Variants in SHLD1 observed in about 807,000 individuals in gnomAD.
The protein encoded by SHLD1 is RINN1-REV7-interacting novel NHEJ regulator 3.
Under a neutral mutation model 5.5 loss-of-function variants are expected in SHLD1, and 3 were observed. The observed-to-expected ratio is 0.54, with a 90% confidence interval of 0.25 to 1.40. The LOEUF (loss-of-function observed/expected upper bound fraction) is 1.40. Among genes scored for constraint, SHLD1 ranks in the 40% most tolerant of loss-of-function variants. The probability of loss-of-function intolerance (pLI) is 0.15; values close to 1 mark genes in which losing one functional copy is unlikely to be tolerated. For missense variants in SHLD1, 210 were observed against 244.4 expected, an observed-to-expected ratio of 0.86 and a Z score of 0.94; for synonymous variants, 92 against 94.3, an observed-to-expected ratio of 0.98 and a Z score of 0.14.
intron 1 of SHLD1, among the ~76,000 whole-genome samples, chr20:5,770,804 CCT>C (rs1985112768): frequency 6.6e-6 from 1 of 152,172 alleles, no homozygotes; most frequent in African/African-American, 2.4e-5. Flanking sequence ...TGAATGATGT[CCT>C]AGTCAAGCGG....
intron 2 of SHLD1, among the ~76,000 whole-genome samples, chr20:5,820,733 G>A (rs2087596755): frequency 6.6e-6 from 1 of 152,238 alleles, no homozygotes; most frequent in African/African-American, 2.4e-5. Context: ...CTGTCTCACA[G>A]GGAAAAGTTT....
intron 2 of SHLD1, among the ~76,000 whole-genome samples, chr20:5,804,269 A>T (rs2087341398): frequency 6.6e-6 from 1 of 151,778 alleles, no homozygotes; most frequent in African/African-American, 2.4e-5. Flanking sequence ...AGCCGTACTT[A>T]CTATATATAT....
intron 2 of SHLD1, among the ~76,000 whole-genome samples, chr20:5,824,120 C>G (rs1190639949): frequency 6.6e-6 from 1 of 152,248 alleles, no homozygotes; most frequent in African/African-American, 2.4e-5. Context: ...TTCTCCCTGC[C>G]TGGCTGTGAC....
chr20:5,800,416 G>A (rs1009058214), intron 2 of SHLD1, among the ~76,000 whole-genome samples: 2 of 152,102 alleles, frequency 1.3e-5, no homozygotes, highest in East Asian at 1.9e-4. Flanking sequence ...TTATAGGGCC[G>A]GGCGTGGTGG....
At chr20:5,857,196 T>C (rs974170424) in intron 2 of SHLD1, among the ~76,000 whole-genome samples, 1 of 152,256 alleles carries the variant, frequency 6.6e-6, no homozygotes, top group African/African-American at 2.4e-5. Context: ...GGCTGGTCTC[T>C]AACTCCTGAG....
At chr20:5,857,941 T>C (rs905784736) in intron 2 of SHLD1, among the ~76,000 whole-genome samples, 1 of 151,578 alleles carries the variant, frequency 6.6e-6, no homozygotes, top group Non-Finnish European at 1.5e-5. Context: ...CTACTGAAAA[T>C]ACAAAAAATT....
chr20:5,779,461 A>G (rs764771252), intron 2 of SHLD1, among the ~76,000 whole-genome samples: 7 of 152,140 alleles, frequency 4.6e-5, no homozygotes, highest in Non-Finnish European at 8.8e-5. Context: ...TTCTCTCCCC[A>G]TGGCCCTTCA....
chr20:5,761,145 CTA>C (rs1281196264), intron 1 of SHLD1, among the ~76,000 whole-genome samples: 1 of 152,050 alleles, frequency 6.6e-6, no homozygotes, highest in Non-Finnish European at 1.5e-5. Context: ...TCTCAGCAAA[CTA>C]ACACAGGAGC....
intron 1 of SHLD1, chr20:5,771,879 T>C (rs1985178092): frequency 6.6e-6 from 1 of 152,044 alleles, no homozygotes; most frequent in Non-Finnish European, 1.4e-5. Context: ...TTTTTTTTTT[T>C]TTTTTTTTTT....
chr20:5,847,053 TGAC>T (rs1161423726), intron 2 of SHLD1, among the ~76,000 whole-genome samples: 21 of 152,194 alleles, frequency 1.4e-4, no homozygotes, highest in Admixed American at 1.4e-3. Context: ...CTTGTTCTAA[TGAC>T]GTCAAATGAT....
At chr20:5,750,508 T>TGGGGGGGGGGGGGG in intron 1 of SHLD1, 29 bp downstream of exon 1, 1 of 23,286 alleles carries the variant, frequency 4.3e-5, no homozygotes, top group African/African-American at 2.0e-4. Context: ...GGGGGGGGGT[T>TGGGGGGGGGGGGGG]GGAGTGGTGG....
chr20:5,800,765 T>C (rs150696347), intron 2 of SHLD1, among the ~76,000 whole-genome samples: 1,565 of 152,310 alleles, frequency 0.01, 20 homozygotes, highest in African/African-American at 0.034. Flanking sequence ...ATCCCTTTTC[T>C]TCTACCTCAA....
chr20:5,756,833 C>G (rs1312326012), intron 1 of SHLD1: 1 of 248,088 alleles, frequency 4.0e-6, no homozygotes, highest in Non-Finnish European at 8.2e-6. Context: ...CACATCTGGC[C>G]TAGGATTTTC....
chr20:5,830,253 G>A (rs942873430), intron 2 of SHLD1, among the ~76,000 whole-genome samples: 43 of 152,332 alleles, frequency 2.8e-4, no homozygotes, highest in African/African-American at 8.9e-4. Context: ...AAATGGTAGT[G>A]TGTTCACATC....
chr20:5,768,867 C>T (rs183747127), intron 1 of SHLD1, among the ~76,000 whole-genome samples: 116 of 151,228 alleles, frequency 7.7e-4, no homozygotes, highest in African/African-American at 2.7e-3. Flanking sequence ...ATGCTCACCA[C>T]ATTTAACGTA....
intron 2 of SHLD1, among the ~76,000 whole-genome samples, chr20:5,803,548 A>G (rs1016919093): frequency 1.3e-5 from 2 of 152,128 alleles, no homozygotes; most frequent in African/African-American, 4.8e-5. Flanking sequence ...GGGAGTCTCC[A>G]GAATTCTAGG....
chr20:5,825,339 G>A (rs1371208974), intron 2 of SHLD1, among the ~76,000 whole-genome samples: 1 of 152,224 alleles, frequency 6.6e-6, no homozygotes, highest in African/African-American at 2.4e-5. Flanking sequence ...GTGGCTGCAG[G>A]CTCCTGGCTG....
intron 2 of SHLD1, among the ~76,000 whole-genome samples, chr20:5,782,976 T>A (rs1480554795): frequency 6.6e-6 from 1 of 152,234 alleles, no homozygotes; most frequent in African/African-American, 2.4e-5. Context: ...ATTTTATAGT[T>A]GCATTAAGTG....
intron 2 of SHLD1, among the ~76,000 whole-genome samples, chr20:5,861,129 G>C (rs1699237): frequency 0.73 from 110,687 of 152,158 alleles, 40,427 homozygotes; most frequent in African/African-American, 0.79. Context: ...GAGACATTTA[G>C]TTTCTATTTC....
Sources: gnomAD v4.1 joint callset for allele counts (sites outside exome capture counted in the v4.1 genomes callset) on GRCh38, gnomAD v4.1.1 for gene constraint, MANE v1.5 for transcripts, NCBI Gene and HGNC (gene_info 2026-07-23, HGNC 2026-07-21) for gene names.